The following XPR1 variants were observed in gnomAD, a reference collection of about 807,000 sequenced individuals.
The protein encoded by XPR1 is solute carrier family 53 member 1.
A neutral mutation model predicts 87.5 loss-of-function variants in XPR1; 28 were observed. The ratio of observed to expected loss-of-function variants is 0.32; its 90% CI spans 0.24 to 0.44. The LOEUF is 0.44. Among genes scored for constraint, XPR1 ranks in the 20% least tolerant of loss-of-function variants. XPR1 has a pLI of 1.00. For synonymous variants in XPR1, 300 were observed against 306.1 expected (o/e 0.98, Z 0.21); for missense variants, 559 against 862.3 (o/e 0.65, Z 4.41).
chr1:180,692,591 G>A (rs1657027624), intron 2 of XPR1, among the ~76,000 whole-genome samples: 1 of 152,084 alleles, frequency 6.6e-6, no homozygotes, highest in African/African-American at 2.4e-5. Context: ...ACAGCTTGTA[G>A]ATAACAAGAA....
Position 180,888,855 on chromosome 1 carries a change from C to G in XPR1, c.*4789C>G, listed in dbSNP as rs1653098748. ...ATTATATGATAGCATGAGAAATTTG[C>G]ACTGGTTGGTGTTACAAACCAATGA... On this transcript the variant is annotated 3_prime_UTR_variant, in exon 15 of 15. Coordinates refer to ENST00000367590, the MANE Select transcript of XPR1 (RefSeq NM_004736.4). 1 of 152,174 alleles carries G rather than the reference C, an allele frequency of 6.6e-6. No homozygotes were observed. The highest frequency in any genetic ancestry group is 2.4e-5 in the African/African-American group (1 of 41,438). 9.4% of individuals were successfully genotyped at this position (152,174 alleles called of 1,614,324 possible). A position where few individuals can be genotyped will look rare whatever the true frequency, so the allele number is the denominator to read the frequency against.
chr1:180,701,489 C>T (rs1200727819), intron 2 of XPR1, among the ~76,000 whole-genome samples: 1 of 137,256 alleles, frequency 7.3e-6, no homozygotes, highest in Non-Finnish European at 1.5e-5. Flanking sequence ...TGGTTTTTGT[C>T]TTTGGCTCTG....
chr1:180,853,667 A>ACACACACACACC (rs1283931843), intron 11 of XPR1, among the ~76,000 whole-genome samples: 1 of 132,980 alleles, frequency 7.5e-6, no homozygotes, highest in Non-Finnish European at 1.6e-5. Context: ...ACACACACAC[A>ACACACACACACC]CCCTACCTCT....
intron 13 of XPR1, chr1:180,877,869 C>T (rs1383707087): frequency 6.6e-6 from 1 of 152,194 alleles, no homozygotes; most frequent in East Asian, 1.9e-4. Context: ...CTAGACTCTG[C>T]CCAGTGTAGA....
intron 11 of XPR1, among the ~76,000 whole-genome samples, chr1:180,839,329 C>T (rs1303147698): frequency 6.6e-6 from 1 of 152,184 alleles, no homozygotes; most frequent in African/African-American, 2.4e-5. Context: ...CATTAACTTT[C>T]TAACCTAGAC....
intron 2 of XPR1, among the ~76,000 whole-genome samples, chr1:180,693,099 AC>A (rs1291169393): frequency 2.0e-5 from 3 of 152,244 alleles, no homozygotes; most frequent in East Asian, 3.8e-4. Context: ...TCTGGGAATT[AC>A]AAATGTAGAC....
intron 1 of XPR1, among the ~76,000 whole-genome samples, chr1:180,636,406 T>G (rs1026579405): frequency 1.3e-5 from 2 of 152,256 alleles, no homozygotes; most frequent in African/African-American, 2.4e-5. Context: ...CATTTACAAA[T>G]GTTTCTTAAG....
At chr1:180,821,788 A>G (rs1571869130) in intron 7 of XPR1, among the ~76,000 whole-genome samples, 1 of 152,270 alleles carries the variant, frequency 6.6e-6, no homozygotes, top group East Asian at 1.9e-4. Flanking sequence ...ATTCTTTTGA[A>G]TGCTATTGTA....
intron 3 of XPR1, among the ~76,000 whole-genome samples, chr1:180,796,644 C>T (rs1044323380): frequency 2.6e-5 from 4 of 152,030 alleles, no homozygotes; most frequent in East Asian, 1.9e-4. Context: ...TGATAGGCCA[C>T]GCAAAAACTT....
At chr1:180,709,586 C>T (rs1657689613) in intron 2 of XPR1, among the ~76,000 whole-genome samples, 1 of 152,108 alleles carries the variant, frequency 6.6e-6, no homozygotes, top group Non-Finnish European at 1.5e-5. Flanking sequence ...TTCAGTCAAC[C>T]TAATTATTTT....
chr1:180,758,411 A>G (rs912266709), intron 2 of XPR1, among the ~76,000 whole-genome samples: 12 of 152,198 alleles, frequency 7.9e-5, no homozygotes, highest in African/African-American at 2.9e-4. Context: ...GTATACACTT[A>G]AAAATGGTAA....
chr1:180,715,951 G>A (rs1657979169), intron 2 of XPR1, among the ~76,000 whole-genome samples: 1 of 152,240 alleles, frequency 6.6e-6, no homozygotes, highest in Non-Finnish European at 1.5e-5. Flanking sequence ...GGGATTACAG[G>A]TGTAAGTCAC....
chr1:180,704,035 A>G (rs1657456884), intron 2 of XPR1, among the ~76,000 whole-genome samples: 1 of 150,704 alleles, frequency 6.6e-6, no homozygotes, highest in Non-Finnish European at 1.5e-5. Flanking sequence ...TGTTGTTGTT[A>G]TTTTTTGATG....
rs184575881 is a variant in XPR1 at position 180,801,464 on chromosome 1, T to A, written c.224-1924T>A. On this transcript the variant is annotated intron_variant, in intron 3 of 14. Transcript: ENST00000367590. Reference sequence around the variant, plus strand: ...AACATGATTTTTGTTTTGAATACAGTCTTAGATCATAGGAAATACAAGAAG... The same window carrying A: ...AACATGATTTTTGTTTTGAATACAGACTTAGATCATAGGAAATACAAGAAG... Among the ~76,000 whole-genome samples the A allele has an allele frequency of 4.6e-5, 7 of 152,214 alleles. No individual in the cohort carries two copies. In the East Asian group the frequency reaches 1.3e-3, roughly 29 times the overall value.
intron 12 of XPR1, among the ~76,000 whole-genome samples, chr1:180,865,343 T>C (rs1232118309): frequency 2.0e-5 from 3 of 152,080 alleles, no homozygotes; most frequent in Non-Finnish European, 2.9e-5. Flanking sequence ...TCACCAAATA[T>C]GTGTGTTTTA....
At chr1:180,740,041 A>G (rs1354005479) in intron 2 of XPR1, among the ~76,000 whole-genome samples, 1 of 152,108 alleles carries the variant, frequency 6.6e-6, no homozygotes, top group Non-Finnish European at 1.5e-5. Flanking sequence ...GACCTTGTAT[A>G]TTGTGACCCT....
rs770761311 is a variant in XPR1, at chr1:180,811,479, G to C, written c.754G>C (p.Val252Leu). Residue 252 changes from valine to leucine, a missense_variant, in exon 7 of 15, where the codon GTG becomes CTG. By Grantham distance (32) the Val-to-Leu change is conservative. Coordinates refer to ENST00000367590, the MANE Select transcript of XPR1 (RefSeq NM_004736.4). ...GIFIVLNITLVLAAVFKLETD... is the reference protein window; with the variant it reads ...GIFIVLNITLLLAAVFKLETD... ...ATTCATTGTACTGAATATTACCCTT[G>C]TGCTTGCCGGTAAGTAGTTTAAATT... The C allele has an allele frequency of 1.9e-6, 3 of 1,611,126 alleles. No homozygotes were observed. Among genetic ancestry groups the C allele is most frequent in the Admixed American group, 1.7e-5 (1 of 59,886 alleles).
At chr1:180,880,019 G>A in intron 13 of XPR1, 57 bp from the exon 14 acceptor site, 1 of 1,584,122 alleles carries the variant, frequency 6.3e-7, no homozygotes, top group Non-Finnish European at 8.7e-7. Flanking sequence ...GAGGTTTACA[G>A]GTAGCAGAAG....
intron 11 of XPR1, among the ~76,000 whole-genome samples, chr1:180,841,524 T>A (rs1045213990): frequency 1.3e-5 from 2 of 152,198 alleles, no homozygotes; most frequent in Non-Finnish European, 2.9e-5. Context: ...GAATTTATGA[T>A]AAAATGAAAT....
Sources: gnomAD v4.1 joint callset for allele counts (sites outside exome capture counted in the v4.1 genomes callset) on GRCh38, gnomAD v4.1.1 for gene constraint, MANE v1.5 for transcripts, NCBI Gene and HGNC (gene_info 2026-07-23, HGNC 2026-07-21) for gene names.